The following GALNT7 variants were observed in gnomAD, a reference collection of about 807,000 sequenced individuals.
The protein encoded by GALNT7 is N-acetylgalactosaminyltransferase 7.
GALNT7 carries 60 observed loss-of-function variants against 82.1 expected under a neutral mutation model. The observed-to-expected ratio is 0.73, with a 90% CI of 0.59 to 0.91. The LOEUF (loss-of-function observed/expected upper bound fraction) is 0.91, where lower values mean the gene tolerates loss of function less well. GALNT7 is among the 40% of genes least tolerant of loss of function. The pLI, the probability that GALNT7 is intolerant of heterozygous loss-of-function variation, is 0.00. For synonymous variants in GALNT7, 243 were observed against 275.1 expected, an observed-to-expected ratio of 0.88 and a Z score of 1.15; for missense variants, 660 against 804.2, an observed-to-expected ratio of 0.82 and a Z score of 2.17.
chr4:173,203,878 CACT>C (rs1295001553), intron 1 of GALNT7, among the ~76,000 whole-genome samples: 2 of 152,130 alleles, frequency 1.3e-5, no homozygotes, highest in Admixed American at 6.5e-5. Context: ...ATGTATACAC[CACT>C]ATCACAGTAT....
intron 1 of GALNT7, among the ~76,000 whole-genome samples, chr4:173,210,443 T>C (rs1161712889): frequency 6.6e-6 from 1 of 152,208 alleles, no homozygotes; most frequent in Non-Finnish European, 1.5e-5. Context: ...AAATCTCTTT[T>C]ACTACTTTTT....
intron 8 of GALNT7, 124 bp downstream of exon 8, chr4:173,304,242 T>G (rs996500044): frequency 1.3e-5 from 9 of 699,072 alleles, no homozygotes; most frequent in South Asian, 1.0e-4. Flanking sequence ...GATTCTCACC[T>G]TTAACTTAGC....
chr4:173,297,209 T>C (rs949761813), intron 5 of GALNT7, among the ~76,000 whole-genome samples: 15 of 152,218 alleles, frequency 9.9e-5, no homozygotes, highest in African/African-American at 3.4e-4. Flanking sequence ...AGGGATTTTT[T>C]TTGCTTTTTT....
chr4:173,303,031 C>T (rs538579593), intron 7 of GALNT7, among the ~76,000 whole-genome samples: 2,060 of 152,116 alleles, frequency 0.014, 55 homozygotes, highest in African/African-American at 0.047. Context: ...CCCATCTCTA[C>T]TAAAATACAA....
Position 173,248,193 on chromosome 4 carries a change from A to T in GALNT7, c.340A>T (p.Thr114Ser). 3 of 1,606,428 alleles carry T rather than the reference A, an allele frequency of 1.9e-6. No individual in the cohort carries two copies. Among genetic ancestry groups the T allele is most frequent in the Non-Finnish European group, 2.6e-6 (3 of 1,172,962 alleles). ...QKDIMQRQYL[T>S]FKPQTFTYHD... The stretch of plus-strand genomic sequence containing the variant: ...AGATATCATGCAGAGGCAGTATCTC[A>T]CATTTAAGCCTCAGACATTCACCTA... Residue 114 changes from threonine to serine, a missense_variant, in exon 2 of 12, where the codon ACA (threonine) becomes TCA (serine). Around this residue, in one of 2 missense-constraint regions of GALNT7, gnomAD observed 527 missense variants for 683.5 expected, o/e 0.77. Transcript: ENST00000265000.
chr4:173,198,073 T>G (rs1732829878), intron 1 of GALNT7, among the ~76,000 whole-genome samples: 1 of 152,092 alleles, frequency 6.6e-6, no homozygotes, highest in African/African-American at 2.4e-5. Flanking sequence ...TTCTTTTTTT[T>G]TTTTGAGACG....
chr4:173,295,578 A>G (rs1484914615), intron 4 of GALNT7, 52 bp downstream of exon 4: 14 of 1,532,760 alleles, frequency 9.1e-6, no homozygotes, highest in Non-Finnish European at 1.2e-5. Flanking sequence ...TGGTAACTAA[A>G]TCATACACAT....
rs377469489 is a variant in GALNT7 at position 173,321,757 on chromosome 4, A to G, written c.*40A>G. On this transcript the variant is annotated 3_prime_UTR_variant, in exon 12 of 12. Coordinates refer to ENST00000265000, the MANE Select transcript of GALNT7 (RefSeq NM_017423.3). ...ACCAATAACCTACCTACTGACAAGTAAATTTATACAGGACTGAAAACCGCC... is the reference window on the plus strand; with the variant it reads ...ACCAATAACCTACCTACTGACAAGTGAATTTATACAGGACTGAAAACCGCC... 46 of 1,452,500 alleles carry G rather than the reference A, an allele frequency of 3.2e-5. No individual in the cohort carries two copies. In the African/African-American group the frequency reaches 5.9e-4, roughly 19 times the overall value. The allele number at this position is 1,452,500 out of a possible 1,614,324, so 90.0% of individuals were successfully genotyped here. A position where few individuals can be genotyped will look rare whatever the true frequency, so the allele number is the denominator to read the frequency against.
At chr4:173,277,317 A>G (rs1735948110) in intron 2 of GALNT7, among the ~76,000 whole-genome samples, 1 of 152,206 alleles carries the variant, frequency 6.6e-6, no homozygotes, top group Non-Finnish European at 1.5e-5. Flanking sequence ...TACAAACTGA[A>G]AAGTTGAGAA....
chr4:173,311,186 G>T (rs970072209), intron 8 of GALNT7, among the ~76,000 whole-genome samples: 6 of 152,044 alleles, frequency 3.9e-5, no homozygotes, highest in African/African-American at 1.4e-4. Flanking sequence ...TTCGAGATGG[G>T]GCAACACAGT....
intron 1 of GALNT7, among the ~76,000 whole-genome samples, chr4:173,200,707 G>A (rs1478015949): frequency 6.6e-6 from 1 of 152,198 alleles, no homozygotes; most frequent in Non-Finnish European, 1.5e-5. Flanking sequence ...CATAAAGAAT[G>A]TTGCAGCAAA....
At chr4:173,279,530 A>G (rs574684331) in intron 2 of GALNT7, among the ~76,000 whole-genome samples, 2 of 152,232 alleles carry the variant, frequency 1.3e-5, no homozygotes, top group Non-Finnish European at 2.9e-5. Flanking sequence ...TCTGAATGCT[A>G]AATTAAACTT....
At position 173,301,169 on chromosome 4, in the gene GALNT7, A is replaced by G. The variant is rs143165365; in HGVS notation, c.1149-878A>G. ...AGATTTTTTTTTCAAGGTAGAATCA[A>G]TGGAACCTTGAAATAGGTTCCATTG... On this transcript the variant is annotated intron_variant, in intron 6 of 11. Coordinates refer to ENST00000265000, the MANE Select transcript of GALNT7 (RefSeq NM_017423.3). Among the ~76,000 whole-genome samples the G allele has an allele frequency of 2.7e-3, 415 of 152,138 alleles. 2 individuals carry two copies. The highest frequency in any genetic ancestry group is 9.7e-3 in the African/African-American group (404 of 41,502).
intron 1 of GALNT7, among the ~76,000 whole-genome samples, chr4:173,177,584 T>C (rs1311742277): frequency 6.6e-6 from 1 of 152,158 alleles, no homozygotes; most frequent in South Asian, 2.1e-4. Context: ...AAAGAAGGCA[T>C]AGACAGAAGT....
chr4:173,231,966 T>C (rs1734043846), intron 1 of GALNT7, among the ~76,000 whole-genome samples: 1 of 152,114 alleles, frequency 6.6e-6, no homozygotes, highest in Non-Finnish European at 1.5e-5. Flanking sequence ...TATAAAAATA[T>C]TGAGTAGAAA....
intron 1 of GALNT7, among the ~76,000 whole-genome samples, chr4:173,209,969 C>T (rs978740187): frequency 7.9e-5 from 12 of 151,926 alleles, no homozygotes; most frequent in Admixed American, 5.9e-4. Context: ...CCCGTCTCTA[C>T]TAAAAATACA....
intron 6 of GALNT7, 121 bp from the exon 7 acceptor site, chr4:173,301,926 G>T: frequency 3.4e-6 from 2 of 592,436 alleles, no homozygotes; most frequent in Non-Finnish European, 6.1e-6. Context: ...CTTAATGTTT[G>T]GCCATCAGTT....
chr4:173,267,514 A>G (rs1735548284), intron 2 of GALNT7, among the ~76,000 whole-genome samples: 1 of 152,208 alleles, frequency 6.6e-6, no homozygotes, highest in African/African-American at 2.4e-5. Flanking sequence ...AGCAAATGTC[A>G]TCAGCAATGG....
At chr4:173,319,702 G>A (rs112599071) in intron 11 of GALNT7, among the ~76,000 whole-genome samples, 47 of 152,258 alleles carry the variant, frequency 3.1e-4, no homozygotes, top group African/African-American at 1.1e-3. Context: ...ACATTTGTGT[G>A]TTAGATATTA....
Sources: allele counts gnomAD v4.1 joint callset (sites outside exome capture counted in the v4.1 genomes callset), GRCh38; gene constraint gnomAD v4.1.1; regional missense constraint gnomAD v4.1.1; transcripts MANE v1.5; gene names NCBI Gene and HGNC (gene_info 2026-07-23, HGNC 2026-07-21).